SLC9A2: variants seen among roughly 807,000 people sequenced by gnomAD.
The protein encoded by SLC9A2 is sodium/hydrogen exchanger 2.
SLC9A2 carries 42 observed loss-of-function variants against 71.7 expected under a neutral mutation model. That is an observed-to-expected ratio of 0.59 (90% CI 0.46 to 0.76). The LOEUF (loss-of-function observed/expected upper bound fraction) is 0.76. Ranked by LOEUF, SLC9A2 falls within the 30% of genes least tolerant of loss-of-function variation. SLC9A2 has a pLI of 0.00. For synonymous variants in SLC9A2, 396 were observed against 392.5 expected, an observed-to-expected ratio of 1.01 and a Z score of -0.10; for missense variants, 829 against 1,017.4, an observed-to-expected ratio of 0.81 and a Z score of 2.52.
chr2:102,704,693 T>C lies in SLC9A2; in HGVS notation c.1977+18T>C. ...AACACAGGGTAACTGAGTGTGCGCC[T>C]CTAGGAGACTTCCAGGGGTGGAGCC... On this transcript the variant is annotated intron_variant, in intron 10 of 11. Coordinates refer to ENST00000233969, the MANE Select transcript of SLC9A2 (RefSeq NM_003048.6). The C allele has an allele frequency of 6.2e-7, 1 of 1,605,536 alleles. No individual in the cohort carries two copies. Among genetic ancestry groups the C allele is most frequent in the Non-Finnish European group, 8.5e-7 (1 of 1,174,386 alleles).
In SLC9A2 at chr2:102,657,873, G is replaced by T; in HGVS notation, c.599G>T (p.Ser200Ile). The T allele has an allele frequency of 6.2e-7, 1 of 1,614,240 alleles. No homozygotes were observed. Among genetic ancestry groups the T allele is most frequent in the Non-Finnish European group, 8.5e-7 (1 of 1,180,044 alleles). Residue 200 changes from serine to isoleucine, a missense_variant, in exon 2 of 12, where the codon AGC becomes ATC. Coordinates refer to ENST00000233969, the MANE Select transcript of SLC9A2 (RefSeq NM_003048.6). ...GICQIEAFGL[S>I]DITLLQNLLF... ...TGCCAGATCGAAGCATTCGGCCTCA[G>T]CGACATCACTTTGCTCCAGAACCTG...
At chr2:102,658,048 A>G (rs764217249) in intron 2 of SLC9A2, 21 bp downstream of exon 2, 1 of 1,558,926 alleles carries the variant, frequency 6.4e-7, no homozygotes. Context: ...TTCACACTGC[A>G]TGACTCCAAC....
At chr2:102,665,470 GA>G (rs1295281496) in intron 3 of SLC9A2, 120 bp downstream of exon 3, 1 of 1,198,246 alleles carries the variant, frequency 8.3e-7, no homozygotes, top group East Asian at 2.4e-5. Flanking sequence ...ATTCTTTTAA[GA>G]AAAATTAAAA....
chr2:102,686,210 T>G (rs1677542888), intron 5 of SLC9A2, among the ~76,000 whole-genome samples: 1 of 152,242 alleles, frequency 6.6e-6, no homozygotes, highest in Non-Finnish European at 1.5e-5. Flanking sequence ...CATGGTTTAT[T>G]ATCCCTATTT....
Position 102,632,063 on chromosome 2 carries a change from C to CATATAT in SLC9A2, c.289+11927_289+11928insTATATA, listed in dbSNP as rs1473294824. 3.0e-3 allele frequency among the ~76,000 whole-genome samples: 322 copies of CATATAT among 109,058 alleles called. 13 individuals carry two copies. The highest frequency in any genetic ancestry group is 5.8e-3 in the African/African-American group (161 of 27,738). The allele number at this position is 109,058 out of a possible 152,430, so 71.5% of individuals were successfully genotyped here. ...ACATACACACACACATATATATACA[C>CATATAT]ACACATATATATACACACATATATA... On this transcript the variant is annotated intron_variant, in intron 1 of 11. Transcript: ENST00000233969.
intron 1 of SLC9A2, among the ~76,000 whole-genome samples, chr2:102,635,110 A>T (rs960463807): frequency 1.6e-4 from 25 of 152,240 alleles, no homozygotes; most frequent in African/African-American, 6.0e-4. Flanking sequence ...TGCTGCCTAA[A>T]GTAATTATTG....
intron 1 of SLC9A2, among the ~76,000 whole-genome samples, chr2:102,640,696 G>T (rs1676558447): frequency 6.6e-6 from 1 of 152,078 alleles, no homozygotes; most frequent in African/African-American, 2.4e-5. Context: ...ATCATTTAGG[G>T]TCTTCATGGA....
At position 102,710,782 on chromosome 2, in the gene SLC9A2, G is replaced by A. The variant is rs17776875; in HGVS notation, c.*2293G>A. ...TGTCACAATCTAAATTTCTGTAGTA[G>A]AGAGAGCCGTAGCCCTTTGTAAAGG... is the stretch of plus-strand genomic sequence containing the variant. On this transcript the variant is annotated 3_prime_UTR_variant, in exon 12 of 12. Transcript: ENST00000233969. The A allele has an allele frequency of 6.6e-6, 1 of 152,056 alleles. No individual in the cohort carries two copies. The highest frequency in any genetic ancestry group is 1.5e-5 in the Non-Finnish European group (1 of 67,968). 9.4% of individuals were successfully genotyped at this position (152,056 alleles called of 1,614,324 possible). A position where few individuals can be genotyped will look rare whatever the true frequency, so the allele number is the denominator to read the frequency against.
intron 7 of SLC9A2, among the ~76,000 whole-genome samples, chr2:102,695,802 A>ACG (rs1677753959): frequency 2.3e-5 from 1 of 44,196 alleles, no homozygotes; most frequent in Non-Finnish European, 6.0e-5. Context: ...TATATATATT[A>ACG]TATATATATA....
At position 102,657,521 on chromosome 2, in the gene SLC9A2, C is replaced by T. The variant is rs1411512829; in HGVS notation, c.290-43C>T. On this transcript the variant is annotated intron_variant, in intron 1 of 11. Transcript: ENST00000233969. ...GAACCAATTTCCTGTCTCCCAAATT[C>T]CTCCATAACCCAAGTTGTGTGTTTT... The T allele has an allele frequency of 2.2e-6, 3 of 1,381,886 alleles. No individual in the cohort carries two copies. In the Admixed American group the frequency reaches 7.0e-5, roughly 32 times the overall value. 85.6% of individuals were successfully genotyped at this position (1,381,886 alleles called of 1,614,324 possible). A position where few individuals can be genotyped will look rare whatever the true frequency, so the allele number is the denominator to read the frequency against.
chr2:102,674,146 C>A lies in SLC9A2; in HGVS notation c.1004+8796C>A, dbSNP rs910909273. 3.9e-5 allele frequency among the ~76,000 whole-genome samples: 6 copies of A among 152,120 alleles called. No individual in the cohort carries two copies. In the East Asian group the frequency reaches 1.2e-3, roughly 29 times the overall value. ...AAAACTGAAATGAAATGTACACTTA[C>A]CACCCAGCTAGTAGTTCTGAGGATG... is the stretch of plus-strand genomic sequence containing the variant. On this transcript the variant is annotated intron_variant, in intron 3 of 11. Coordinates refer to ENST00000233969, the MANE Select transcript of SLC9A2 (RefSeq NM_003048.6).
intron 5 of SLC9A2, among the ~76,000 whole-genome samples, chr2:102,685,163 G>A (rs1677525489): frequency 6.6e-6 from 1 of 152,356 alleles, no homozygotes; most frequent in Middle Eastern, 3.4e-3. Flanking sequence ...CATGCAGGAG[G>A]TGGAGGAATT....
In SLC9A2 at chr2:102,710,243, T is replaced by G. The variant is rs1434510861; in HGVS notation, c.*1754T>G. ...ATGAAAATATTTATATAAAAATACA[T>G]TTATTCTGCTTAACACAAATTAAAA... On this transcript the variant is annotated 3_prime_UTR_variant, in exon 12 of 12. Transcript: ENST00000233969. The G allele has an allele frequency of 6.6e-6, 1 of 152,594 alleles. No homozygotes were observed. The highest frequency in any genetic ancestry group is 1.5e-5 in the Non-Finnish European group (1 of 68,042). The allele number at this position is 152,594 out of a possible 1,614,324, so 9.5% of individuals were successfully genotyped here. A position where few individuals can be genotyped will look rare whatever the true frequency, so the allele number is the denominator to read the frequency against.
intron 5 of SLC9A2, among the ~76,000 whole-genome samples, chr2:102,687,781 G>A (rs562861052): frequency 6.2e-4 from 93 of 150,792 alleles, no homozygotes; most frequent in Non-Finnish European, 1.1e-3. Context: ...GCTGTTTGGG[G>A]AATTTTTTTT....
chr2:102,680,238 CT>C (rs1475599800), intron 3 of SLC9A2, among the ~76,000 whole-genome samples: 1 of 151,882 alleles, frequency 6.6e-6, no homozygotes, highest in Middle Eastern at 3.2e-3. Context: ...GTATACATGT[CT>C]TTTTTTATAT....
intron 5 of SLC9A2, 31 bp downstream of exon 5, chr2:102,684,367 TA>T (rs766329129): frequency 1.9e-6 from 3 of 1,579,376 alleles, no homozygotes; most frequent in African/African-American, 1.3e-5. Context: ...ACCAGGAGGG[TA>T]AAAAATATCG....
At chr2:102,704,115 T>C (rs934601913) in intron 9 of SLC9A2, among the ~76,000 whole-genome samples, 1 of 152,206 alleles carries the variant, frequency 6.6e-6, no homozygotes, top group Non-Finnish European at 1.5e-5. Context: ...TTCTCATTTA[T>C]GAAAATCACA....
intron 2 of SLC9A2, among the ~76,000 whole-genome samples, chr2:102,658,255 C>A (rs369399939): frequency 2.0e-5 from 3 of 152,038 alleles, no homozygotes; most frequent in Non-Finnish European, 4.4e-5. Flanking sequence ...AAAACTGTCT[C>A]CTCATTTTCA....
At chr2:102,695,241 T>C in intron 7 of SLC9A2, 128 bp downstream of exon 7, 1 of 655,222 alleles carries the variant, frequency 1.5e-6, no homozygotes, top group South Asian at 2.1e-5. Flanking sequence ...TCCTCTAAGA[T>C]AAAGTTCAGC....
Sources: allele counts gnomAD v4.1 joint callset (sites outside exome capture counted in the v4.1 genomes callset), GRCh38; gene constraint gnomAD v4.1.1; transcripts MANE v1.5; gene names NCBI Gene and HGNC (gene_info 2026-07-23, HGNC 2026-07-21).